The following MDN1 variants were observed in gnomAD, a reference collection of about 807,000 sequenced individuals.
MDN1 encodes midasin AAA ATPase 1.
Under a neutral mutation model 669.2 loss-of-function variants are expected in MDN1, and 266 were observed. That is an observed-to-expected ratio of 0.40 (90% CI 0.36 to 0.44). The LOEUF (loss-of-function observed/expected upper bound fraction) is 0.44. Among genes scored for constraint, MDN1 ranks in the 20% least tolerant of loss-of-function variants. The pLI is 1.00. For missense variants in MDN1, 5,940 were observed against 6,754.0 expected (o/e 0.88, Z 4.22); for synonymous variants, 2,385 against 2,457.1 (o/e 0.97, Z 0.87).
At chr6:89,790,445 C>T (rs775608618) in intron 5 of MDN1, 44 bp from the exon 6 acceptor site, 1 of 1,610,716 alleles carries the variant, frequency 6.2e-7, no homozygotes, top group East Asian at 2.2e-5. Context: ...AGTTCTTCCC[C>T]CAAGGAACCG....
chr6:89,764,575 AAAAGC>A, intron 15 of MDN1, among the ~76,000 whole-genome samples: 1 of 152,324 alleles, frequency 6.6e-6, no homozygotes, highest in South Asian at 2.1e-4. Context: ...AATGTAAGGT[AAAAGC>A]TGAATGGGTG....
chr6:89,644,498 C>G (rs1274208511), intron 101 of MDN1, among the ~76,000 whole-genome samples: 1 of 152,174 alleles, frequency 6.6e-6, no homozygotes, highest in Non-Finnish European at 1.5e-5. Flanking sequence ...CACACTAAAT[C>G]TTTACCTTCC....
chr6:89,722,866 AAG>A, intron 40 of MDN1, 87 bp downstream of exon 40: 10 of 988,788 alleles, frequency 1.0e-5, no homozygotes, highest in African/African-American at 1.8e-5. Flanking sequence ...AAAAAAAAAA[AAG>A]GCTTGCAATT....
intron 69 of MDN1, 78 bp downstream of exon 69, chr6:89,686,824 A>C (rs377619416): frequency 6.5e-7 from 1 of 1,548,972 alleles, no homozygotes; most frequent in Non-Finnish European, 8.8e-7. Flanking sequence ...AAGCGGGAGC[A>C]GGAAAATCCT....
chr6:89,794,079 T>C, intron 4 of MDN1, 21 bp downstream of exon 4: 2 of 1,478,924 alleles, frequency 1.4e-6, no homozygotes, highest in Non-Finnish European at 1.8e-6. Context: ...TAGCAAGACC[T>C]CCACGAAGGT....
chr6:89,776,423 T>C (rs1253043921), intron 12 of MDN1, among the ~76,000 whole-genome samples, 177 bp downstream of exon 12: 1 of 152,170 alleles, frequency 6.6e-6, no homozygotes, highest in Non-Finnish European at 1.5e-5. Context: ...ATGGCGCCAT[T>C]GCACTCGCGC....
At chr6:89,677,907 C>T (rs918231773) in intron 75 of MDN1, among the ~76,000 whole-genome samples, 1 of 152,204 alleles carries the variant, frequency 6.6e-6, no homozygotes, top group African/African-American at 2.4e-5. Flanking sequence ...CATGCACGTT[C>T]AAGTTTGAGA....
intron 11 of MDN1, among the ~76,000 whole-genome samples, chr6:89,779,406 A>G (rs6926490): frequency 0.079 from 11,985 of 152,230 alleles, 1,125 homozygotes; most frequent in African/African-American, 0.22. Context: ...ATCATAGATA[A>G]TAACAATGGA....
intron 83 of MDN1, among the ~76,000 whole-genome samples, chr6:89,670,326 C>G (rs1810664100): frequency 1.3e-5 from 2 of 150,718 alleles, no homozygotes; most frequent in African/African-American, 4.9e-5. Context: ...AGGCACATGC[C>G]ACCACGCCCA....
intron 31 of MDN1, among the ~76,000 whole-genome samples, chr6:89,742,084 G>C (rs1246629896): frequency 1.3e-5 from 2 of 152,016 alleles, no homozygotes; most frequent in Admixed American, 6.6e-5. Flanking sequence ...CTGGGTGACA[G>C]AAGTAGACTC....
chr6:89,645,427 A>C (rs1808432641), intron 100 of MDN1, among the ~76,000 whole-genome samples: 1 of 152,206 alleles, frequency 6.6e-6, no homozygotes, highest in African/African-American at 2.4e-5. Flanking sequence ...TGCTTCAAGA[A>C]ATGTTAAGTT....
chr6:89,675,931 T>C, intron 77 of MDN1, 171 bp downstream of exon 77: 1 of 609,280 alleles, frequency 1.6e-6, no homozygotes, highest in South Asian at 2.3e-5. Flanking sequence ...GGTGTTCTGA[T>C]TTTGCACAAA....
At chr6:89,697,161 T>C (rs1485709305) in intron 59 of MDN1, among the ~76,000 whole-genome samples, 1 of 152,144 alleles carries the variant, frequency 6.6e-6, no homozygotes, top group Non-Finnish European at 1.5e-5. Flanking sequence ...CCAAAAACAT[T>C]TGGGGCAATA....
Position 89,725,067 on chromosome 6 carries a change from A to G in MDN1, c.5670+132T>C, listed in dbSNP as rs371662576. The G allele has an allele frequency of 4.1e-3, 3,342 of 806,798 alleles. 57 individuals are homozygous for G. The highest frequency in any genetic ancestry group is 0.031 in the South Asian group (1,795 of 57,984). The allele number at this position is 806,798 out of a possible 1,614,324, so 50.0% of individuals were successfully genotyped here. A position where few individuals can be genotyped will look rare whatever the true frequency, so the allele number is the denominator to read the frequency against. On this transcript the variant is annotated intron_variant, in intron 38 of 101. Transcript: ENST00000369393. ...AATCAGTCACATTAATATTGATCATATAAGGACAAGAAAGAGGATCATTAA... is the reference window on the plus strand; with the variant it reads ...AATCAGTCACATTAATATTGATCATGTAAGGACAAGAAAGAGGATCATTAA...
At chr6:89,763,304 A>G (rs1214318271) in intron 15 of MDN1, among the ~76,000 whole-genome samples, 1 of 150,744 alleles carries the variant, frequency 6.6e-6, no homozygotes, top group African/African-American at 2.4e-5. Context: ...TATTGCTTTC[A>G]ATGGGATAAA....
At chr6:89,707,519 A>C in intron 51 of MDN1, 43 bp from the exon 52 acceptor site, 1 of 1,241,160 alleles carries the variant, frequency 8.1e-7, no homozygotes, top group Non-Finnish European at 1.2e-6. Context: ...CTATCGGTTA[A>C]TAACATTTTC....
intron 61 of MDN1, among the ~76,000 whole-genome samples, chr6:89,694,486 T>C (rs1812595610): frequency 6.6e-6 from 1 of 152,234 alleles, no homozygotes; most frequent in African/African-American, 2.4e-5. Flanking sequence ...TCTTAATGTA[T>C]TTAGTTCCTG....
Position 89,793,833 on chromosome 6 carries a change from C to G in MDN1, c.784G>C (p.Asp262His). The change falls in exon 5 of 102, where the codon GAC becomes CAC. Residue 262 changes from aspartate (D) to histidine (H), a missense_variant. Transcript: ENST00000369393. Reference protein sequence around the residue: ...QYLQGHLVSSDLSPRVTAVCG... With the variant: ...QYLQGHLVSSHLSPRVTAVCG... ...ACAGCTGTCACCCTAGGGGAGAGGT[C>G]AGACGAAACAAGATGTCCCTGTAAG... 1 of 1,614,188 alleles carries G rather than the reference C, an allele frequency of 6.2e-7. No individual in the cohort carries two copies. The highest frequency in any genetic ancestry group is 8.5e-7 in the Non-Finnish European group (1 of 1,180,040).
Position 89,793,889 on chromosome 6 carries a change from G to A in MDN1, c.728C>T (p.Ser243Phe), listed in dbSNP as rs77990038. The change falls in exon 5 of 102, where the codon TCC (serine) becomes TTC (phenylalanine). Residue 243 changes from serine (S) to phenylalanine (F), a missense_variant. Around this residue, in one of 5 missense-constraint regions of MDN1, gnomAD observed 1,203 missense variants for 1,268.9 expected, o/e 0.95. Coordinates refer to ENST00000369393, the MANE Select transcript of MDN1 (RefSeq NM_014611.3). ...CAGCTCCTTCTGCTTACGCCAAAGG[G>A]AGACTTCTGGATTGGCCAAAACCAA... Reference protein sequence around the residue: ...KALVLANPEVSLWRKQKELQY... With the variant: ...KALVLANPEVFLWRKQKELQY... 3.2e-4 allele frequency: 512 copies of A among 1,614,064 alleles called. No homozygotes were observed. The African/African-American group carries it at 6.2e-3, about 20-fold the overall frequency.
Sources: allele counts gnomAD v4.1 joint callset (sites outside exome capture counted in the v4.1 genomes callset), GRCh38; gene constraint gnomAD v4.1.1; regional missense constraint gnomAD v4.1.1; transcripts MANE v1.5; gene names NCBI Gene and HGNC (gene_info 2026-07-23, HGNC 2026-07-21).